The following ARSK variants were observed in gnomAD, a reference collection of about 807,000 sequenced individuals.
ARSK encodes the protein arylsulfatase family member K.
Under a neutral mutation model 53.2 loss-of-function variants are expected in ARSK, and 37 were observed. The ratio of observed to expected loss-of-function variants is 0.70; its 90% CI spans 0.54 to 0.92. The LOEUF is 0.92. Among genes scored for constraint, ARSK ranks in the 40% least tolerant of loss-of-function variants. The pLI, the probability that ARSK is intolerant of heterozygous loss-of-function variation, is 0.00. For synonymous variants in ARSK, 208 were observed against 223.2 expected, an observed-to-expected ratio of 0.93 and a Z score of 0.61; for missense variants, 613 against 643.0, an observed-to-expected ratio of 0.95 and a Z score of 0.51.
chr5:95,592,895 G>A (rs1045464251), intron 6 of ARSK, among the ~76,000 whole-genome samples: 2 of 151,920 alleles, frequency 1.3e-5, no homozygotes, highest in African/African-American at 4.8e-5. Context: ...TCATTTGCTG[G>A]TTTCCCTTTA....
At chr5:95,572,651 C>G (rs558085568) in intron 3 of ARSK, among the ~76,000 whole-genome samples, 154 of 152,140 alleles carry the variant, frequency 1.0e-3, no homozygotes, top group South Asian at 3.7e-3. Context: ...GGTGGCGGGC[C>G]CCTGTAGTCC....
rs1749450057 is a variant in ARSK at position 95,603,605 on chromosome 5, A to T, written c.*79A>T. ...CATAATTATGTATTTTAAATGAAAC[A>T]GTTTTAATAATTACCAAGTTTTGGC... On this transcript the variant is annotated 3_prime_UTR_variant, in exon 8 of 8. Transcript: ENST00000380009. The T allele has an allele frequency of 2.3e-6, 3 of 1,308,326 alleles. No homozygotes were observed. In the South Asian group the frequency reaches 5.6e-5, roughly 24 times the overall value. 81.0% of individuals were successfully genotyped at this position (1,308,326 alleles called of 1,614,324 possible).
At chr5:95,581,896 A>G (rs1319332777) in intron 3 of ARSK, among the ~76,000 whole-genome samples, 1 of 152,144 alleles carries the variant, frequency 6.6e-6, no homozygotes, top group Non-Finnish European at 1.5e-5. Flanking sequence ...TTATCAAAAT[A>G]TATTGAATAT....
At chr5:95,598,668 T>A (rs761909340) in intron 6 of ARSK, among the ~76,000 whole-genome samples, 12 of 152,166 alleles carry the variant, frequency 7.9e-5, no homozygotes, top group Non-Finnish European at 1.8e-4. Context: ...TGATTTCCCA[T>A]TTCACCTAGA....
At chr5:95,583,953 C>T (rs1298480995) in intron 4 of ARSK, among the ~76,000 whole-genome samples, 1 of 152,180 alleles carries the variant, frequency 6.6e-6, no homozygotes, top group Non-Finnish European at 1.5e-5. Context: ...TCACAACAGC[C>T]TTCCTCATTT....
intron 2 of ARSK, 152 bp downstream of exon 2, chr5:95,566,279 G>C: frequency 1.1e-6 from 1 of 936,160 alleles, no homozygotes; most frequent in South Asian, 1.8e-5. Context: ...GGTATATATT[G>C]GCTATTGGGG....
chr5:95,556,414 C>G, intron 1 of ARSK: 2 of 587,834 alleles, frequency 3.4e-6, no homozygotes, highest in Non-Finnish European at 6.0e-6. Flanking sequence ...TTGTTGCCAT[C>G]TTATGAATGA....
In ARSK at chr5:95,604,670, A is replaced by G. The variant is rs1261727565; in HGVS notation, c.*1144A>G. Reference sequence around the variant, plus strand: ...ATACTAACTGATAATCTCACCATCAATGCATGTCTTCTTATCCTTTGCCAA... The same window carrying G: ...ATACTAACTGATAATCTCACCATCAGTGCATGTCTTCTTATCCTTTGCCAA... On this transcript the variant is annotated 3_prime_UTR_variant, in exon 8 of 8. Coordinates refer to ENST00000380009, the MANE Select transcript of ARSK (RefSeq NM_198150.3). The G allele has an allele frequency of 6.6e-6, 1 of 152,164 alleles. No individual in the cohort carries two copies. The highest frequency in any genetic ancestry group is 2.4e-5 in the African/African-American group (1 of 41,424). The allele number at this position is 152,164 out of a possible 1,614,324, so 9.4% of individuals were successfully genotyped here.
intron 5 of ARSK, among the ~76,000 whole-genome samples, 159 bp from the exon 6 acceptor site, chr5:95,591,242 A>G (rs1318483668): frequency 1.3e-5 from 2 of 152,172 alleles, no homozygotes; most frequent in African/African-American, 4.8e-5. Flanking sequence ...TAGACAGACC[A>G]CTGTCAACTT....
rs1181119364 is a variant in ARSK at position 95,565,990 on chromosome 5, A to G, written c.127-8A>G. On this transcript the variant is annotated splice_polypyrimidine_tract_variant and splice_region_variant and intron_variant, in intron 1 of 7. Coordinates refer to ENST00000380009, the MANE Select transcript of ARSK (RefSeq NM_198150.3). Reference sequence around the variant, plus strand: ...TAATCAATGCTAATTAAATTTCTTTATTTCCAGGATGGAAGGTTAACATTT... The same window carrying G: ...TAATCAATGCTAATTAAATTTCTTTGTTTCCAGGATGGAAGGTTAACATTT... 1.9e-6 allele frequency: 3 copies of G among 1,598,244 alleles called. No individual in the cohort carries two copies. In the Admixed American group the frequency reaches 5.4e-5, roughly 29 times the overall value.
chr5:95,577,368 A>C (rs1405447481), intron 3 of ARSK, among the ~76,000 whole-genome samples: 2 of 152,204 alleles, frequency 1.3e-5, no homozygotes, highest in African/African-American at 2.4e-5. Context: ...AAAGTATTTT[A>C]TTACAGTTTT....
In ARSK at chr5:95,566,136, A is replaced by C; in HGVS notation, c.256+9A>C. The C allele has an allele frequency of 6.2e-7, 1 of 1,610,672 alleles. No individual in the cohort carries two copies. The highest frequency in any genetic ancestry group is 8.5e-7 in the Non-Finnish European group (1 of 1,179,126). On this transcript the variant is annotated intron_variant, in intron 2 of 7. Transcript: ENST00000380009. ...TTGCCCATCACGCGCAGGTATGAAC[A>C]TCCTTAATATGAATGGGAGAAAGTG...
At chr5:95,562,627 G>A (rs867064600) in intron 1 of ARSK, among the ~76,000 whole-genome samples, 2 of 152,158 alleles carry the variant, frequency 1.3e-5, no homozygotes, top group African/African-American at 2.4e-5. Flanking sequence ...TCACAAAATT[G>A]TATCTACAAA....
intron 1 of ARSK, among the ~76,000 whole-genome samples, chr5:95,564,827 T>G (rs1425635081): frequency 1.3e-5 from 2 of 152,194 alleles, no homozygotes; most frequent in Non-Finnish European, 2.9e-5. Context: ...TGGGACTCCT[T>G]ATAGCTTCCT....
intron 3 of ARSK, among the ~76,000 whole-genome samples, chr5:95,570,989 G>T (rs1343579466): frequency 6.6e-6 from 1 of 152,172 alleles, no homozygotes; most frequent in African/African-American, 2.4e-5. Context: ...CACCATGTTG[G>T]TCAGGCTGTT....
At chr5:95,563,520 C>T (rs941652165) in intron 1 of ARSK, among the ~76,000 whole-genome samples, 2 of 152,234 alleles carry the variant, frequency 1.3e-5, no homozygotes, top group Non-Finnish European at 2.9e-5. Context: ...CGCCCCCTCC[C>T]TTTCTGGTTA....
chr5:95,573,432 A>G (rs1561363171), intron 3 of ARSK, among the ~76,000 whole-genome samples: 1 of 152,206 alleles, frequency 6.6e-6, no homozygotes, highest in Admixed American at 6.5e-5. Context: ...AAAATCAGGT[A>G]TTTGTAGTAT....
At chr5:95,560,652 C>A (rs192103277) in intron 1 of ARSK, among the ~76,000 whole-genome samples, 10 of 151,834 alleles carry the variant, frequency 6.6e-5, no homozygotes, top group African/African-American at 2.4e-4. Context: ...TGAAGTTGGA[C>A]CCTGCCTTGC....
chr5:95,564,193 G>A (rs1394568457), intron 1 of ARSK, among the ~76,000 whole-genome samples: 1 of 151,958 alleles, frequency 6.6e-6, no homozygotes, highest in African/African-American at 2.4e-5. Context: ...GGCCTGACTG[G>A]CTTTGAACTC....
Sources: gnomAD v4.1 joint callset for allele counts (sites outside exome capture counted in the v4.1 genomes callset) on GRCh38, gnomAD v4.1.1 for gene constraint, MANE v1.5 for transcripts, NCBI Gene and HGNC (gene_info 2026-07-23, HGNC 2026-07-21) for gene names.